The following PTPN3 variants were observed in gnomAD, a reference collection of about 807,000 sequenced individuals.
The protein encoded by PTPN3 is tyrosine-protein phosphatase non-receptor type 3.
A neutral mutation model predicts 132.7 loss-of-function variants in PTPN3; 96 were observed. The observed-to-expected ratio is 0.72, with a 90% CI of 0.61 to 0.86. The LOEUF (loss-of-function observed/expected upper bound fraction) is 0.86. PTPN3 is among the 40% of genes least tolerant of loss of function. The pLI, the probability that PTPN3 is intolerant of heterozygous loss-of-function variation, is 0.00. For synonymous variants in PTPN3, 398 were observed against 429.0 expected (o/e 0.93, Z 0.89); for missense variants, 1,125 against 1,159.6 (o/e 0.97, Z 0.43).
At chr9:109,503,047 T>C (rs1314620286), upstream of PTPN3, among the ~76,000 whole-genome samples, 2 of 152,202 alleles carry the variant, frequency 1.3e-5, no homozygotes, top group African/African-American at 2.4e-5. Context: ...CTAAATCTTA[T>C]GTATGTTTCT....
chr9:109,436,104 G>T (rs1194918605), intron 9 of PTPN3, among the ~76,000 whole-genome samples: 1 of 152,200 alleles, frequency 6.6e-6, no homozygotes, highest in African/African-American at 2.4e-5. Context: ...TCATATGAAA[G>T]CATCTGGATA....
intron 14 of PTPN3, among the ~76,000 whole-genome samples, chr9:109,420,176 T>C (rs757064496): frequency 6.6e-6 from 1 of 152,174 alleles, no homozygotes; most frequent in Non-Finnish European, 1.5e-5. Flanking sequence ...GACTAACAAG[T>C]ACTTAGTGAC....
intron 1 of PTPN3, among the ~76,000 whole-genome samples, chr9:109,480,257 T>C (rs1846897145): frequency 6.6e-6 from 1 of 152,220 alleles, no homozygotes; most frequent in Admixed American, 6.5e-5. Flanking sequence ...CAGTGTAACC[T>C]GTGTCTCCCA....
At chr9:109,489,305 G>A (rs2132118833) in intron 1 of PTPN3, among the ~76,000 whole-genome samples, 2 of 152,318 alleles carry the variant, frequency 1.3e-5, no homozygotes, top group East Asian at 3.9e-4. Flanking sequence ...ACAAAGCTGG[G>A]AGTGGCATCC....
chr9:109,435,996 A>C (rs1439396919), intron 9 of PTPN3, among the ~76,000 whole-genome samples: 3 of 152,226 alleles, frequency 2.0e-5, no homozygotes, highest in Admixed American at 6.5e-5. Flanking sequence ...TCATTTACTC[A>C]ATCTCTATGA....
At chr9:109,429,847 C>T (rs1267864711) in intron 10 of PTPN3, among the ~76,000 whole-genome samples, 4 of 152,162 alleles carry the variant, frequency 2.6e-5, no homozygotes, top group Admixed American at 6.5e-5. Flanking sequence ...TTCTGAAATA[C>T]TTTGGGGAAA....
In PTPN3 at chr9:109,410,330, A is replaced by G. The variant is rs1459216154; in HGVS notation, c.1399T>C (p.Ser467Pro). Residue 467 changes from serine (S) to proline (P), a missense_variant, in exon 15 of 26, where the codon TCC becomes CCC. Transcript: ENST00000374541. ...SVSPSSNAPGSCSPDGVDQQL... is the reference protein window; with the variant it reads ...SVSPSSNAPGPCSPDGVDQQL... Reference sequence around the variant, plus strand: ...TGATCAACGCCGTCAGGTGAGCAGGAGCCTGGAGCATTTGAAGATGGAGAC... The same window carrying G: ...TGATCAACGCCGTCAGGTGAGCAGGGGCCTGGAGCATTTGAAGATGGAGAC... The G allele has an allele frequency of 1.2e-6, 2 of 1,614,132 alleles. No homozygotes were observed. Among genetic ancestry groups the G allele is most frequent in the Non-Finnish European group, 8.5e-7 (1 of 1,180,022 alleles).
chr9:109,459,085 G>A (rs1845702377), intron 2 of PTPN3, among the ~76,000 whole-genome samples: 1 of 152,162 alleles, frequency 6.6e-6, no homozygotes, highest in African/African-American at 2.4e-5. Context: ...CTCCTCCTCT[G>A]AAGTGCATAA....
At chr9:109,383,738 TAGGCCAC>T in intron 22 of PTPN3, among the ~76,000 whole-genome samples, 187 bp from the exon 23 acceptor site, 1 of 152,220 alleles carries the variant, frequency 6.6e-6, no homozygotes, top group East Asian at 1.9e-4. Flanking sequence ...TGCCAGGGAC[TAGGCCAC>T]AGGTCTCCGC....
intron 11 of PTPN3, among the ~76,000 whole-genome samples, chr9:109,428,233 C>G (rs1450727656): frequency 2.0e-5 from 3 of 152,180 alleles, no homozygotes; most frequent in Non-Finnish European, 2.9e-5. Flanking sequence ...GGCTAGGGAA[C>G]GTTAAGTAAC....
chr9:109,389,774 T>C (rs1839909824), intron 21 of PTPN3, among the ~76,000 whole-genome samples: 1 of 152,256 alleles, frequency 6.6e-6, no homozygotes, highest in East Asian at 1.9e-4. Context: ...TCTATTTACG[T>C]TTATTTAAAG....
chr9:109,510,574 A>ATATATATATAT, the PTPN3 span, among the ~76,000 whole-genome samples: 1 of 49,202 alleles, frequency 2.0e-5, no homozygotes, highest in Non-Finnish European at 4.1e-5. Context: ...AAAAAAAAAA[A>ATATATATATAT]AAATATATAT....
intron 1 of PTPN3, among the ~76,000 whole-genome samples, chr9:109,483,931 G>A (rs1016349095): frequency 3.3e-5 from 5 of 152,196 alleles, no homozygotes; most frequent in Admixed American, 1.3e-4. Context: ...GCATCACTGA[G>A]TGCCTGTTAG....
chr9:109,408,298 T>C lies in PTPN3; in HGVS notation c.1635+23A>G, dbSNP rs45622434. 13,537 of 1,512,282 alleles carry C rather than the reference T, an allele frequency of 9.0e-3. 153 individuals are homozygous for C. The highest frequency in any genetic ancestry group is 0.061 in the East Asian group (2,590 of 42,458). 93.7% of individuals were successfully genotyped at this position (1,512,282 alleles called of 1,614,324 possible). A position where few individuals can be genotyped will look rare whatever the true frequency, so the allele number is the denominator to read the frequency against. ...GGGGGAAACAAACAAACACGAGGAATAACATGGAATGTATTTACTTACAGG... is the reference window on the plus strand; with the variant it reads ...GGGGGAAACAAACAAACACGAGGAACAACATGGAATGTATTTACTTACAGG... On this transcript the variant is annotated intron_variant, in intron 17 of 25. Transcript: ENST00000374541.
At position 109,375,960 on chromosome 9, in the gene PTPN3, C is replaced by T. The variant is rs1415713201; in HGVS notation, c.*3596G>A. On this transcript the variant is annotated 3_prime_UTR_variant, in exon 26 of 26. Coordinates refer to ENST00000374541, the MANE Select transcript of PTPN3 (RefSeq NM_002829.4). The stretch of plus-strand genomic sequence containing the variant: ...GTCACAGAATCTTTGCCACCTTTAC[C>T]GAGACTGCTCTCAGCTGAGGACAAC... 3 of 152,126 alleles carry T rather than the reference C, an allele frequency of 2.0e-5. No individual in the cohort carries two copies. Among genetic ancestry groups the T allele is most frequent in the East Asian group, 1.9e-4 (1 of 5,190 alleles). The allele number at this position is 152,126 out of a possible 1,614,324, so 9.4% of individuals were successfully genotyped here.
intron 22 of PTPN3, among the ~76,000 whole-genome samples, chr9:109,386,339 G>A (rs530612148): frequency 6.6e-6 from 1 of 152,332 alleles, no homozygotes; most frequent in East Asian, 1.9e-4. Flanking sequence ...AGGGTTTAGT[G>A]GGAGTCATGG....
In PTPN3 at chr9:109,452,266, C is replaced by CAAAAA. The variant is rs1158259516; in HGVS notation, c.368+2225_368+2229dup. 5.0e-3 allele frequency among the ~76,000 whole-genome samples: 358 copies of CAAAAA among 71,534 alleles called. 9 individuals carry two copies. The highest frequency in any genetic ancestry group is 0.016 in the African/African-American group (299 of 18,704). The allele number at this position is 71,534 out of a possible 152,430, so 46.9% of individuals were successfully genotyped here. A position where few individuals can be genotyped will look rare whatever the true frequency, so the allele number is the denominator to read the frequency against. ...CTGGGTGACAGAGCGAGCTCCGTCT[C>CAAAAA]AAAAAAAAAAAAAAAAAAAAAGGAA... On this transcript the variant is annotated intron_variant, in intron 5 of 25. Transcript: ENST00000374541.
chr9:109,503,112 A>T (rs1272559012), upstream of PTPN3, among the ~76,000 whole-genome samples: 1 of 152,204 alleles, frequency 6.6e-6, no homozygotes, highest in Non-Finnish European at 1.5e-5. Flanking sequence ...AAAGAAAATG[A>T]TGTAAAGAGA....
At chr9:109,414,631 A>G (rs1292483047) in intron 14 of PTPN3, among the ~76,000 whole-genome samples, 1 of 152,062 alleles carries the variant, frequency 6.6e-6, no homozygotes, top group Non-Finnish European at 1.5e-5. Context: ...GGCAGAGGGG[A>G]TATGGTTCAG....
Sources: gnomAD v4.1 joint callset for allele counts (sites outside exome capture counted in the v4.1 genomes callset) on GRCh38, gnomAD v4.1.1 for gene constraint, MANE v1.5 for transcripts, NCBI Gene and HGNC (gene_info 2026-07-23, HGNC 2026-07-21) for gene names.